Variants in SLC38A9 observed in about 807,000 individuals in gnomAD.
The protein encoded by SLC38A9 is solute carrier family 38 member 9.
In SLC38A9, 48 loss-of-function variants were observed where a neutral mutation model predicts 62.3. The ratio of observed to expected loss-of-function variants is 0.77; its 90% CI spans 0.61 to 0.98. SLC38A9 has a LOEUF of 0.98. Among genes scored for constraint, SLC38A9 ranks in the 50% least tolerant of loss-of-function variants. The pLI, the probability that SLC38A9 is intolerant of heterozygous loss-of-function variation, is 0.00. For synonymous variants in SLC38A9, 204 were observed against 227.7 expected (o/e 0.90, Z 0.94); for missense variants, 541 against 679.8 (o/e 0.80, Z 2.27).
chr5:55,657,490 GTT>G (rs34646167), intron 8 of SLC38A9, among the ~76,000 whole-genome samples: 9 of 147,390 alleles, frequency 6.1e-5, no homozygotes, highest in African/African-American at 2.3e-4. Flanking sequence ...GAAAATCAAA[GTT>G]TTTTTTTTTT....
intron 3 of SLC38A9, 36 bp downstream of exon 3, chr5:55,697,810 C>A: frequency 9.3e-7 from 1 of 1,074,616 alleles, no homozygotes. Flanking sequence ...CATTAAAGAC[C>A]CTAATTATGA....
At chr5:55,696,505 G>A (rs1298343492) in intron 3 of SLC38A9, 1 of 40,064 alleles carries the variant, frequency 2.5e-5, no homozygotes, top group Admixed American at 2.1e-4. Flanking sequence ...TGGACGGGGC[G>A]GCTGGCCGGG....
intron 3 of SLC38A9, among the ~76,000 whole-genome samples, chr5:55,690,285 C>G (rs571530102): frequency 9.2e-5 from 14 of 152,202 alleles, no homozygotes; most frequent in African/African-American, 3.4e-4. Flanking sequence ...AGCCACTGTG[C>G]CTTGCCTGTA....
intron 9 of SLC38A9, 75 bp from the exon 10 acceptor site, chr5:55,652,798 T>A: frequency 7.8e-7 from 1 of 1,276,004 alleles, no homozygotes; most frequent in Non-Finnish European, 1.1e-6. Flanking sequence ...AGAAAATGAC[T>A]GCCTCTAGAG....
intron 8 of SLC38A9, among the ~76,000 whole-genome samples, chr5:55,658,443 C>T (rs1312345119): frequency 6.6e-6 from 1 of 152,148 alleles, no homozygotes; most frequent in African/African-American, 2.4e-5. Flanking sequence ...CATAAACCAC[C>T]GCGCCCAGCC....
chr5:55,632,213 G>A (rs1561298739), intron 14 of SLC38A9, among the ~76,000 whole-genome samples: 1 of 152,058 alleles, frequency 6.6e-6, no homozygotes, highest in Non-Finnish European at 1.5e-5. Context: ...TGAGGCGGGC[G>A]GATTACAAGG....
chr5:55,682,651 T>A (rs555843594), intron 3 of SLC38A9, among the ~76,000 whole-genome samples: 1 of 152,256 alleles, frequency 6.6e-6, no homozygotes, highest in African/African-American at 2.4e-5. Flanking sequence ...GACATGCACT[T>A]GTACTCTCAG....
At chr5:55,671,291 A>T (rs1445131764) in intron 4 of SLC38A9, among the ~76,000 whole-genome samples, 3 of 152,026 alleles carry the variant, frequency 2.0e-5, no homozygotes, top group Non-Finnish European at 4.4e-5. Flanking sequence ...CCTGATTATT[A>T]TACAGCCTCT....
At chr5:55,658,066 T>C (rs1285988884) in intron 8 of SLC38A9, 1 of 152,232 alleles carries the variant, frequency 6.6e-6, no homozygotes, top group Non-Finnish European at 1.5e-5. Context: ...GAATGTGACC[T>C]TATTTAAAAA....
chr5:55,677,928 G>T (rs113732182), intron 3 of SLC38A9, among the ~76,000 whole-genome samples: 5 of 134,234 alleles, frequency 3.7e-5, no homozygotes, highest in African/African-American at 5.5e-5. Context: ...TTTCTTTATT[G>T]TGTGTGTGTG....
intron 2 of SLC38A9, among the ~76,000 whole-genome samples, chr5:55,707,018 T>G (rs914654928): frequency 2.0e-5 from 3 of 151,798 alleles, no homozygotes; most frequent in Non-Finnish European, 1.5e-5. Context: ...CTGGGCTTGC[T>G]GCAACCTCCT....
chr5:55,681,160 A>G (rs77175699), intron 3 of SLC38A9, among the ~76,000 whole-genome samples: 10,247 of 152,290 alleles, frequency 0.067, 485 homozygotes, highest in Non-Finnish European at 0.1. Context: ...TTCTGTTCAT[A>G]CCCTTCATTA....
At position 55,633,842 on chromosome 5, in the gene SLC38A9, G is replaced by A; in HGVS notation, c.1342C>T (p.Leu448=). Reference sequence around the variant, plus strand: ...GGGTATACAGTCATCATCTGGAACAGCAGGAATATCCTTGCAATGAAGGAC... The same window carrying A: ...GGGTATACAGTCATCATCTGGAACAACAGGAATATCCTTGCAATGAAGGAC... ...TLSFIARIFL[L]FQMMTVYPLL... is the part of the protein sequence containing the mutation. Residue 448 remains leucine (L), a synonymous_variant, in exon 14 of 16, where the codon CTG becomes TTG. Transcript: ENST00000396865. 1 of 1,614,014 alleles carries A rather than the reference G, an allele frequency of 6.2e-7. No homozygotes were observed. Among genetic ancestry groups the A allele is most frequent in the Non-Finnish European group, 8.5e-7 (1 of 1,179,948 alleles).
chr5:55,635,965 T>C (rs1025573656), intron 12 of SLC38A9, among the ~76,000 whole-genome samples: 12 of 152,216 alleles, frequency 7.9e-5, no homozygotes, highest in Non-Finnish European at 1.5e-4. Flanking sequence ...TTTCAAAAGA[T>C]AATTTAGTTG....
chr5:55,645,921 A>G, intron 11 of SLC38A9, 26 bp from the exon 12 acceptor site: 3 of 1,453,184 alleles, frequency 2.1e-6, no homozygotes, highest in Non-Finnish European at 2.8e-6. Flanking sequence ...AAACAAGAAC[A>G]TTAAAACTGA....
At chr5:55,665,113 A>C in intron 7 of SLC38A9, 1 of 205,858 alleles carries the variant, frequency 4.9e-6, no homozygotes, top group Non-Finnish European at 9.6e-6. Context: ...CATAAAAGCA[A>C]GTGATAAACT....
rs142135949 is a variant in SLC38A9 at position 55,635,645 on chromosome 5, A to C, written c.1180T>G (p.Cys394Gly). The C allele has an allele frequency of 2.5e-6, 4 of 1,612,864 alleles. No individual in the cohort carries two copies. Among genetic ancestry groups the C allele is most frequent in the Non-Finnish European group, 3.4e-6 (4 of 1,178,896 alleles). Reference protein sequence around the residue: ...KKQENNVRDLCIAYMLVTLTY... With the variant: ...KKQENNVRDLGIAYMLVTLTY... ...AATGTCACCAGCATATAAGCAATGC[A>C]CAAGTCCCTCACCTGTAAATACAGA... The change falls in exon 13 of 16, where the codon TGC becomes GGC. Residue 394 changes from cysteine (C) to glycine (G), a missense_variant. Coordinates refer to ENST00000396865, the MANE Select transcript of SLC38A9 (RefSeq NM_173514.4).
At chr5:55,667,831 G>A (rs1750721580) in intron 7 of SLC38A9, among the ~76,000 whole-genome samples, 1 of 152,112 alleles carries the variant, frequency 6.6e-6, no homozygotes, top group Non-Finnish European at 1.5e-5. Flanking sequence ...CTGGGTTCAA[G>A]CAATTCTCGT....
chr5:55,656,108 T>C (rs1748373305), intron 9 of SLC38A9, among the ~76,000 whole-genome samples: 1 of 151,762 alleles, frequency 6.6e-6, no homozygotes, highest in African/African-American at 2.4e-5. Flanking sequence ...AAAATACTGA[T>C]TATTCACAGG....
Sources: allele counts gnomAD v4.1 joint callset (sites outside exome capture counted in the v4.1 genomes callset), GRCh38; gene constraint gnomAD v4.1.1; transcripts MANE v1.5; gene names NCBI Gene and HGNC (gene_info 2026-07-23, HGNC 2026-07-21).